RPGR: variants seen among roughly 807,000 people sequenced by gnomAD.
The protein encoded by RPGR is retinitis pigmentosa GTPase regulator.
In RPGR, 10 loss-of-function variants were observed where a neutral mutation model predicts 56.3. The observed-to-expected ratio is 0.18, with a 90% confidence interval of 0.11 to 0.30. The LOEUF is 0.30. Among genes scored for constraint, RPGR ranks in the 10% least tolerant of loss-of-function variants. The pLI is 1.00. For missense variants in RPGR, 538 were observed against 590.9 expected, an observed-to-expected ratio of 0.91 and a Z score of 0.93; for synonymous variants, 197 against 212.9, an observed-to-expected ratio of 0.93 and a Z score of 0.65.
chrX:38,269,743 G>T lies in RPGR; in HGVS notation c.2331C>A (p.Asp777Glu), dbSNP rs1218955544. 2 of 1,206,367 alleles carry T rather than the reference G, an allele frequency of 1.7e-6. No individual in the cohort carries two copies. The highest frequency in any genetic ancestry group is 2.2e-6 in the Non-Finnish European group (2 of 891,217). ...TATTATCACTTTTTAAAATGATCTGGTCTCCTATGGATTTTATCTCTGGGA... is the reference window on the plus strand; with the variant it reads ...TATTATCACTTTTTAAAATGATCTGTTCTCCTATGGATTTTATCTCTGGGA... Residue 777 changes from aspartate (D) to glutamate (E), a missense_variant, in exon 19 of 19, where the codon GAC becomes GAA. This residue lies in a region of RPGR where 357 missense variants were observed against 325.8 expected (regional missense o/e 1.10). Transcript: ENST00000642395.
chrX:38,322,807 T>TA (rs745605478), intron 3 of RPGR, 46 bp downstream of exon 3: 2 of 1,023,622 alleles, frequency 2.0e-6, no homozygotes, highest in African/African-American at 3.7e-5. Flanking sequence ...ACAGTCAACA[T>TA]AAAAATACTT....
At chrX:38,295,545 C>T (rs1569243188) in intron 11 of RPGR, among the ~76,000 whole-genome samples, 2 of 112,311 alleles carry the variant, frequency 1.8e-5, no homozygotes, top group African/African-American at 6.5e-5. Context: ...TCCTTGTACA[C>T]ACTACATACT....
intron 15 of RPGR, among the ~76,000 whole-genome samples, chrX:38,278,207 A>C (rs750854011): frequency 3.6e-5 from 4 of 111,507 alleles, no homozygotes; most frequent in Non-Finnish European, 7.5e-5. Context: ...ATTTACTTTT[A>C]AGCTTTGTTT....
chrX:38,269,380 C>T lies in RPGR; in HGVS notation c.*246G>A. 2 of 238,070 alleles carry T rather than the reference C, an allele frequency of 8.4e-6. No homozygotes were observed. Among genetic ancestry groups the T allele is most frequent in the East Asian group, 1.4e-4 (2 of 14,325 alleles). The allele number at this position is 238,070 out of a possible 1,213,427, so 19.6% of individuals were successfully genotyped here. ...ACATATAAAAATATATTTTTTATTG[C>T]AATACTGAACAGTTAAGGCCACAAC... is the stretch of plus-strand genomic sequence containing the variant. On this transcript the variant is annotated 3_prime_UTR_variant, in exon 19 of 19. Coordinates refer to ENST00000642395, the MANE Select transcript of RPGR (RefSeq NM_000328.3).
intron 2 of RPGR, 114 bp from the exon 3 acceptor site, chrX:38,323,059 T>C (rs1270919733): frequency 3.3e-6 from 2 of 598,730 alleles, no homozygotes; most frequent in Admixed American, 2.6e-5. Flanking sequence ...CTTTTCTGTG[T>C]TGAAATAAGT....
At chrX:38,278,427 G>A (rs1380555729) in intron 15 of RPGR, among the ~76,000 whole-genome samples, 1 of 111,897 alleles carries the variant, frequency 8.9e-6, no homozygotes, top group Non-Finnish European at 1.9e-5. Context: ...TTTTAGTAAA[G>A]ACGGGGTTTC....
intron 15 of RPGR, chrX:38,285,325 G>A (rs942155161): frequency 6.6e-6 from 7 of 1,061,348 alleles, no homozygotes; most frequent in East Asian, 3.5e-5. Flanking sequence ...ATTTGGGGGG[G>A]AAATACACGA....
intron 6 of RPGR, among the ~76,000 whole-genome samples, chrX:38,315,760 G>A (rs757015279): frequency 2.8e-5 from 3 of 106,902 alleles, no homozygotes; most frequent in Non-Finnish European, 5.8e-5. Flanking sequence ...CATTCTCCAT[G>A]ATGTGATTAT....
chrX:38,279,153 C>G, intron 15 of RPGR: 1 of 330,813 alleles, frequency 3.0e-6, no homozygotes, highest in Non-Finnish European at 5.9e-6. Flanking sequence ...CTTGAAGTCA[C>G]AGAAAGCACT....
intron 7 of RPGR, among the ~76,000 whole-genome samples, chrX:38,307,032 G>A (rs1180062277): frequency 3.6e-5 from 4 of 112,548 alleles, no homozygotes; most frequent in Non-Finnish European, 7.5e-5. Context: ...TAATATTACT[G>A]TAATTTCACA....
chrX:38,323,672 C>A, intron 1 of RPGR, 148 bp from the exon 2 acceptor site: 1 of 566,806 alleles, frequency 1.8e-6, no homozygotes, highest in Non-Finnish European at 2.8e-6. Flanking sequence ...CTTCTTCCAC[C>A]TTAATTCAGT....
At chrX:38,321,386 G>A (rs997705868) in intron 3 of RPGR, among the ~76,000 whole-genome samples, 13 of 111,443 alleles carry the variant, frequency 1.2e-4, no homozygotes, top group African/African-American at 4.2e-4. Context: ...CAGGTAGGCC[G>A]GGTGTGGTGG....
chrX:38,321,733 C>T (rs1334965480), intron 3 of RPGR, among the ~76,000 whole-genome samples: 3 of 110,801 alleles, frequency 2.7e-5, no homozygotes, highest in Non-Finnish European at 5.7e-5. Context: ...ATGCTGCCTC[C>T]TCACCAATCT....
chrX:38,270,050 C>T (rs749799322), intron 18 of RPGR, among the ~76,000 whole-genome samples: 1 of 111,800 alleles, frequency 8.9e-6, no homozygotes, highest in Non-Finnish European at 1.9e-5. Flanking sequence ...CTCTCAGGGT[C>T]TAACATTCAA....
intron 16 of RPGR, chrX:38,275,265 A>C (rs896483415): frequency 1.8e-6 from 1 of 549,765 alleles, no homozygotes; most frequent in Non-Finnish European, 3.1e-6. Context: ...TAAACATGTG[A>C]CAATTACTTC....
intron 15 of RPGR, chrX:38,285,527 C>CAA (rs750341019): frequency 8.3e-7 from 1 of 1,210,977 alleles, no homozygotes; most frequent in East Asian, 3.0e-5. Flanking sequence ...AATCGGGTCA[C>CAA]ATTTAAGGTT....
chrX:38,285,710 A>G (rs1365799093), intron 15 of RPGR: 1 of 1,210,521 alleles, frequency 8.3e-7, no homozygotes, highest in Non-Finnish European at 1.1e-6. Flanking sequence ...TGTTTGCCAT[A>G]TTTCACAGAT....
chrX:38,324,785 C>CT (rs1463228820), intron 1 of RPGR, among the ~76,000 whole-genome samples: 4 of 101,531 alleles, frequency 3.9e-5, no homozygotes, highest in Non-Finnish European at 8.1e-5. Context: ...TTACACAAAT[C>CT]AGCAAGATTT....
intron 6 of RPGR, among the ~76,000 whole-genome samples, chrX:38,315,946 CT>C (rs2067820117): frequency 9.2e-6 from 1 of 108,945 alleles, no homozygotes; most frequent in Non-Finnish European, 1.9e-5. Context: ...TCCATTTTTT[CT>C]GATCTACAAA....
Sources: allele counts gnomAD v4.1 joint callset (sites outside exome capture counted in the v4.1 genomes callset), GRCh38; gene constraint gnomAD v4.1.1; regional missense constraint gnomAD v4.1.1; transcripts MANE v1.5; gene names NCBI Gene and HGNC (gene_info 2026-07-23, HGNC 2026-07-21).